Variants in SLC9A9 observed in about 807,000 individuals in gnomAD.
The protein encoded by SLC9A9 is solute carrier family 9 member A9, also known as sodium/hydrogen exchanger 9.
Under a neutral mutation model 77.8 loss-of-function variants are expected in SLC9A9, and 62 were observed. The ratio of observed to expected loss-of-function variants is 0.80; its 90% CI spans 0.65 to 0.98. SLC9A9 has a LOEUF of 0.98. SLC9A9 is among the 50% of genes least tolerant of loss of function. The pLI is 0.00. For missense variants in SLC9A9, 775 were observed against 774.9 expected (o/e 1.00, Z 0.00); for synonymous variants, 320 against 283.5 (o/e 1.13, Z -1.29).
chr3:143,748,828 C>A (rs563132884), intron 4 of SLC9A9, among the ~76,000 whole-genome samples: 1 of 151,500 alleles, frequency 6.6e-6, no homozygotes, highest in Non-Finnish European at 1.5e-5. Flanking sequence ...CTCAGCCTCC[C>A]GAGTAGCTGG....
chr3:143,692,279 T>G (rs763108764), intron 5 of SLC9A9, among the ~76,000 whole-genome samples: 3 of 152,158 alleles, frequency 2.0e-5, no homozygotes, highest in African/African-American at 4.8e-5. Context: ...TGGATCTTGA[T>G]TTGTGCAAAC....
chr3:143,842,105 G>T (rs1413684127), intron 1 of SLC9A9, among the ~76,000 whole-genome samples: 2 of 152,004 alleles, frequency 1.3e-5, no homozygotes, highest in Non-Finnish European at 2.9e-5. Flanking sequence ...TGCAGGCCGG[G>T]CGCGGTGGCT....
chr3:143,585,648 A>G (rs1482385196), intron 6 of SLC9A9, among the ~76,000 whole-genome samples: 1 of 152,198 alleles, frequency 6.6e-6, no homozygotes, highest in East Asian at 1.9e-4. Flanking sequence ...CCTGTCACAG[A>G]TATTTTGGGC....
chr3:143,572,028 C>T (rs965357837), intron 8 of SLC9A9, among the ~76,000 whole-genome samples: 2 of 152,172 alleles, frequency 1.3e-5, no homozygotes, highest in East Asian at 3.9e-4. Flanking sequence ...CCCCTCGGTA[C>T]AGCCATGGAC....
Position 143,591,523 on chromosome 3 carries a change from TG to T in SLC9A9, c.756-12801del, listed in dbSNP as rs369873303. 3.3e-3 allele frequency among the ~76,000 whole-genome samples: 496 copies of T among 152,378 alleles called. 2 individuals are homozygous for T. The highest frequency in any genetic ancestry group is 0.011 in the African/African-American group (465 of 41,592). On this transcript the variant is annotated intron_variant, in intron 6 of 15. Transcript: ENST00000316549. ...TCTCTGGTATTAGCTCTTCAGGACA[TG>T]GCTTTATCTGGAATAAGAATATGGA...
At chr3:143,614,416 G>A (rs911467193) in intron 6 of SLC9A9, among the ~76,000 whole-genome samples, 2 of 152,080 alleles carry the variant, frequency 1.3e-5, no homozygotes, top group Middle Eastern at 3.2e-3. Context: ...CTTTCATACT[G>A]AGCCACAAAG....
intron 1 of SLC9A9, among the ~76,000 whole-genome samples, chr3:143,836,393 A>G (rs1366016261): frequency 6.6e-6 from 1 of 152,204 alleles, no homozygotes; most frequent in East Asian, 1.9e-4. Context: ...ATTGTAGCCC[A>G]ACTTTCTCCA....
At chr3:143,375,539 T>A (rs936500055) in intron 13 of SLC9A9, among the ~76,000 whole-genome samples, 2 of 152,192 alleles carry the variant, frequency 1.3e-5, no homozygotes, top group Non-Finnish European at 2.9e-5. Context: ...GGTAGCCCCC[T>A]GGTCCCAGAT....
intron 4 of SLC9A9, among the ~76,000 whole-genome samples, chr3:143,726,528 C>G (rs968630555): frequency 3.9e-5 from 6 of 152,128 alleles, no homozygotes; most frequent in Non-Finnish European, 8.8e-5. Flanking sequence ...CCTTTTTTGT[C>G]TCATAATACA....
chr3:143,457,120 A>G lies in SLC9A9; in HGVS notation c.1469+9917T>C, dbSNP rs146517076. ...CACTGCAGCCTGTCTTCCAGGCTCA[A>G]ATGATCCTCTTGCCTCAGCCTCCTG... On this transcript the variant is annotated intron_variant, in intron 12 of 15. Coordinates refer to ENST00000316549, the MANE Select transcript of SLC9A9 (RefSeq NM_173653.4). Among the ~76,000 whole-genome samples, 67 of 152,120 alleles carry G rather than the reference A, an allele frequency of 4.4e-4. 1 individual carries two copies. The East Asian group carries it at 9.9e-3, about 22-fold the overall frequency.
chr3:143,418,237 T>A (rs534050996), intron 12 of SLC9A9, among the ~76,000 whole-genome samples: 1 of 151,908 alleles, frequency 6.6e-6, no homozygotes, highest in African/African-American at 2.4e-5. Context: ...TAAGGAATCA[T>A]AACCTTAAAG....
At chr3:143,402,675 T>A (rs1484320859) in intron 12 of SLC9A9, among the ~76,000 whole-genome samples, 1 of 151,880 alleles carries the variant, frequency 6.6e-6, no homozygotes, top group Admixed American at 6.6e-5. Context: ...CTACTCCAGA[T>A]CTCTTGTGGT....
At chr3:143,452,382 A>G (rs1418077191) in intron 12 of SLC9A9, among the ~76,000 whole-genome samples, 1 of 152,006 alleles carries the variant, frequency 6.6e-6, no homozygotes, top group Non-Finnish European at 1.5e-5. Flanking sequence ...AGCACCGAAA[A>G]GAATACATTA....
At chr3:143,362,733 G>A (rs544315825) in intron 14 of SLC9A9, among the ~76,000 whole-genome samples, 1 of 152,306 alleles carries the variant, frequency 6.6e-6, no homozygotes, top group South Asian at 2.1e-4. Flanking sequence ...TCAATTTACA[G>A]TGCCGTTCTT....
At chr3:143,500,759 AT>A in intron 9 of SLC9A9, among the ~76,000 whole-genome samples, 1 of 151,146 alleles carries the variant, frequency 6.6e-6, no homozygotes, top group East Asian at 1.9e-4. Flanking sequence ...TATAGTATAT[AT>A]AAGATACCAT....
rs574159081 is a variant in SLC9A9, at chr3:143,792,874, G to A, written c.533+2127C>T. ...CATTTTAAAATTTCTCCTTCACGCA[G>A]CTACCAAAATGACCTCCCTAAAGTA... is the stretch of plus-strand genomic sequence containing the variant. On this transcript the variant is annotated intron_variant, in intron 4 of 15. Coordinates refer to ENST00000316549, the MANE Select transcript of SLC9A9 (RefSeq NM_173653.4). Among the ~76,000 whole-genome samples the A allele has an allele frequency of 9.2e-5, 14 of 152,096 alleles. No individual in the cohort carries two copies. In the South Asian group the frequency reaches 2.7e-3, roughly 29 times the overall value.
chr3:143,302,323 T>C (rs2030557864), intron 14 of SLC9A9, among the ~76,000 whole-genome samples: 2 of 152,176 alleles, frequency 1.3e-5, no homozygotes, highest in Middle Eastern at 3.4e-3. Context: ...CAGAATACAG[T>C]AGGTGCTTAA....
At chr3:143,729,187 C>T (rs1268540409) in intron 4 of SLC9A9, among the ~76,000 whole-genome samples, 1 of 152,156 alleles carries the variant, frequency 6.6e-6, no homozygotes, top group Non-Finnish European at 1.5e-5. Flanking sequence ...AGGAAGCCTT[C>T]TTTGCCCCCA....
At chr3:143,682,573 A>G (rs1933135588) in intron 5 of SLC9A9, among the ~76,000 whole-genome samples, 1 of 119,768 alleles carries the variant, frequency 8.3e-6, no homozygotes, top group African/African-American at 2.9e-5. Context: ...AAATTATAAC[A>G]AACTTAGTGG....
Sources: allele counts gnomAD v4.1 joint callset (sites outside exome capture counted in the v4.1 genomes callset), GRCh38; gene constraint gnomAD v4.1.1; transcripts MANE v1.5; gene names NCBI Gene and HGNC (gene_info 2026-07-23, HGNC 2026-07-21).